LINGO2: variants seen among roughly 807,000 people sequenced by gnomAD.
LINGO2 encodes the protein leucine-rich repeat and immunoglobulin-like domain-containing nogo receptor-interacting protein 2.
LINGO2 carries 14 observed loss-of-function variants against 30.6 expected under a neutral mutation model. The observed-to-expected ratio is 0.46, with a 90% CI of 0.30 to 0.72. The LOEUF is 0.72. LINGO2 is among the 30% of genes least tolerant of loss of function. The pLI is 0.07. For missense variants in LINGO2, 729 were observed against 751.7 expected (o/e 0.97, Z 0.35); for synonymous variants, 317 against 288.5 (o/e 1.10, Z -1.00).
the LINGO2 span, among the ~76,000 whole-genome samples, chr9:28,910,106 C>T: frequency 6.6e-6 from 1 of 152,024 alleles, no homozygotes; most frequent in Non-Finnish European, 1.5e-5. Flanking sequence ...ATTCTTTTCT[C>T]TCCTATGCTA....
intron 1 of LINGO2, among the ~76,000 whole-genome samples, chr9:28,574,647 A>T (rs529865068): frequency 2.6e-5 from 4 of 152,146 alleles, no homozygotes; most frequent in Non-Finnish European, 5.9e-5. Context: ...TTTCAGGTGA[A>T]TATTTGAAAG....
At chr9:29,186,522 C>T in the LINGO2 span, among the ~76,000 whole-genome samples, 3 of 151,840 alleles carry the variant, frequency 2.0e-5, no homozygotes, top group Non-Finnish European at 4.4e-5. Flanking sequence ...AAAATAACCC[C>T]CCAGAAAGTA....
the LINGO2 span, among the ~76,000 whole-genome samples, chr9:28,769,552 A>C: frequency 1.1e-5 from 1 of 93,950 alleles, no homozygotes; most frequent in African/African-American, 4.5e-5. Flanking sequence ...TTTTACCTGA[A>C]TGTCCTCCAG....
intron 4 of LINGO2, among the ~76,000 whole-genome samples, chr9:28,226,113 T>C (rs1023652516): frequency 1.3e-5 from 2 of 152,180 alleles, no homozygotes; most frequent in African/African-American, 2.4e-5. Flanking sequence ...CACAGAAAGA[T>C]TTGGTCCACT....
At chr9:27,991,847 A>T (rs79594406) in intron 5 of LINGO2, among the ~76,000 whole-genome samples, 1 of 152,052 alleles carries the variant, frequency 6.6e-6, no homozygotes, top group Non-Finnish European at 1.5e-5. Context: ...TTAAAATATT[A>T]TATGTTTCAG....
chr9:28,934,683 T>G, the LINGO2 span, among the ~76,000 whole-genome samples: 2 of 140,480 alleles, frequency 1.4e-5, no homozygotes, highest in Non-Finnish European at 3.1e-5. Context: ...AAAAAAGGGA[T>G]AAAAAAGTTA....
chr9:28,331,546 C>A lies in LINGO2; in HGVS notation c.-245-36180G>T, dbSNP rs10968514. ...TTGGAGAAGAAGTCTCACTCTGTCA[C>A]CCAGGCTACAGTGCAATGGCCTGAT... On this transcript the variant is annotated intron_variant, in intron 3 of 5. Transcript: ENST00000379992. Among the ~76,000 whole-genome samples the A allele has an allele frequency of 7.4e-3, 1,125 of 152,226 alleles. 97 individuals are homozygous for A. In the East Asian group the frequency reaches 0.18, roughly 24 times the overall value.
intron 4 of LINGO2, among the ~76,000 whole-genome samples, chr9:28,084,662 C>T (rs1026174245): frequency 4.6e-5 from 7 of 152,064 alleles, no homozygotes; most frequent in African/African-American, 1.4e-4. Flanking sequence ...AATCCAAACC[C>T]GCTGACTCCA....
At chr9:29,040,281 T>C in the LINGO2 span, among the ~76,000 whole-genome samples, 28 of 152,054 alleles carry the variant, frequency 1.8e-4, no homozygotes, top group Non-Finnish European at 3.7e-4. Flanking sequence ...AGCATAAAGG[T>C]AAAATATAAA....
chr9:28,208,291 G>A (rs976701445), intron 4 of LINGO2, among the ~76,000 whole-genome samples: 15 of 152,002 alleles, frequency 9.9e-5, no homozygotes, highest in Non-Finnish European at 1.8e-4. Context: ...GCTGCCTGTG[G>A]GGTGGGGGAG....
intron 3 of LINGO2, among the ~76,000 whole-genome samples, chr9:28,310,847 C>T (rs1824586186): frequency 1.3e-5 from 2 of 152,056 alleles, no homozygotes; most frequent in Admixed American, 6.6e-5. Flanking sequence ...GAAACATTGT[C>T]CCCAATCTGA....
intron 4 of LINGO2, among the ~76,000 whole-genome samples, chr9:28,079,400 GC>G (rs1825713421): frequency 6.6e-6 from 1 of 152,108 alleles, no homozygotes; most frequent in Admixed American, 6.5e-5. Flanking sequence ...GGCACTGTGA[GC>G]CGTTCGTTTT....
chr9:28,622,238 G>A (rs1356641955), intron 1 of LINGO2, among the ~76,000 whole-genome samples: 11 of 151,752 alleles, frequency 7.2e-5, no homozygotes, highest in African/African-American at 2.7e-4. Context: ...CAGATACTAG[G>A]TCTTATTCAT....
chr9:28,045,851 T>A (rs1824396287), intron 4 of LINGO2, among the ~76,000 whole-genome samples: 1 of 152,220 alleles, frequency 6.6e-6, no homozygotes, highest in Non-Finnish European at 1.5e-5. Context: ...ATCTCCTAGC[T>A]ATGAGAAACT....
chr9:28,769,516 A>T, the LINGO2 span, among the ~76,000 whole-genome samples: 81 of 1,904 alleles, frequency 0.043, 10 homozygotes, highest in East Asian at 0.14. Flanking sequence ...ATATATATAT[A>T]TATTTTTTTT....
In LINGO2 at chr9:28,306,634, C is replaced by A. The variant is rs545858586; in HGVS notation, c.-245-11268G>T. Among the ~76,000 whole-genome samples the A allele has an allele frequency of 1.2e-3, 178 of 152,210 alleles. 1 individual carries two copies. Among genetic ancestry groups the A allele is most frequent in the Non-Finnish European group, 1.9e-3 (129 of 67,998 alleles). On this transcript the variant is annotated intron_variant, in intron 3 of 5. Coordinates refer to ENST00000379992, the Ensembl canonical transcript of LINGO2. ...AAAACCCTTCAAAAAACTAATGAAT[C>A]CAGGAGCTGGTTTTTTGAAAGGATC...
the LINGO2 span, among the ~76,000 whole-genome samples, chr9:28,703,013 T>G: frequency 2.0e-5 from 3 of 148,058 alleles, no homozygotes; most frequent in Admixed American, 6.8e-5. Flanking sequence ...AATTTTTATC[T>G]TTTTTTTTCT....
At chr9:28,232,419 CAAA>C (rs1220539550) in intron 4 of LINGO2, among the ~76,000 whole-genome samples, 2 of 79,790 alleles carry the variant, frequency 2.5e-5, no homozygotes, top group African/African-American at 4.6e-5. Context: ...TTCTATCTCA[CAAA>C]AAAAAAAAAA....
At chr9:27,968,095 C>T (rs548257255) in intron 5 of LINGO2, among the ~76,000 whole-genome samples, 2 of 152,132 alleles carry the variant, frequency 1.3e-5, no homozygotes, top group South Asian at 4.1e-4. Context: ...ACTCAATAAA[C>T]ACCTTCTGGC....
Sources: gnomAD v4.1 joint callset for allele counts (sites outside exome capture counted in the v4.1 genomes callset) on GRCh38, gnomAD v4.1.1 for gene constraint, MANE v1.5 for transcripts, NCBI Gene and HGNC (gene_info 2026-07-23, HGNC 2026-07-21) for gene names.